The following ZNF627 variants were observed in gnomAD, a reference collection of about 807,000 sequenced individuals.
ZNF627 encodes the protein zinc finger protein 627.
In ZNF627, 12 loss-of-function variants were observed where a neutral mutation model predicts 10.6. That is an observed-to-expected ratio of 1.13 (90% CI 0.73 to 1.84). The LOEUF (loss-of-function observed/expected upper bound fraction) is 1.84, where lower values mean the gene tolerates loss of function less well. Among genes scored for constraint, ZNF627 ranks in the 40% most tolerant of loss-of-function variants. The probability of loss-of-function intolerance (pLI) is 0.00; values close to 1 mark genes in which losing one functional copy is unlikely to be tolerated. For synonymous variants in ZNF627, 176 were observed against 187.1 expected, an observed-to-expected ratio of 0.94 and a Z score of 0.48; for missense variants, 504 against 568.4, an observed-to-expected ratio of 0.89 and a Z score of 1.15.
intron 1 of ZNF627, among the ~76,000 whole-genome samples, chr19:11,613,026 A>C (rs559744860): frequency 7.6e-4 from 104 of 137,418 alleles, no homozygotes; most frequent in African/African-American, 2.7e-3. Flanking sequence ...ATCTGGGCAC[A>C]CTCGCCAAAA....
At chr19:11,604,412 C>T (rs1342508356) in intron 1 of ZNF627, 3 of 152,204 alleles carry the variant, frequency 2.0e-5, no homozygotes, top group African/African-American at 7.2e-5. Flanking sequence ...CTGGACCTCT[C>T]TCTGGGCAGT....
At chr19:11,611,823 AC>A (rs1973775825) in intron 1 of ZNF627, among the ~76,000 whole-genome samples, 1 of 152,126 alleles carries the variant, frequency 6.6e-6, no homozygotes, top group Non-Finnish European at 1.5e-5. Context: ...GCTGAGATTG[AC>A]TGGGCCCTTT....
chr19:11,613,794 T>C (rs1973819451), intron 1 of ZNF627, among the ~76,000 whole-genome samples: 1 of 152,152 alleles, frequency 6.6e-6, no homozygotes, highest in Non-Finnish European at 1.5e-5. Context: ...GTTGGTGGGA[T>C]CCTGTCTAAA....
chr19:11,616,297 T>C (rs1227155153), intron 3 of ZNF627, among the ~76,000 whole-genome samples: 2 of 152,150 alleles, frequency 1.3e-5, no homozygotes, highest in Non-Finnish European at 2.9e-5. Context: ...CCTCCTGTCT[T>C]GGCCTTCCAA....
chr19:11,597,583 C>T lies in ZNF627; in HGVS notation c.-45C>T, dbSNP rs748075743. ...CTGTCGCGCCGTGACCTGTACAGGT[C>T]GCGGGAGTCGTAGGGAGGACGCCGG... is the stretch of plus-strand genomic sequence containing the variant. On this transcript the variant is annotated 5_prime_UTR_variant, in exon 1 of 4. Coordinates refer to ENST00000361113, the MANE Select transcript of ZNF627 (RefSeq NM_145295.4). The T allele has an allele frequency of 7.6e-7, 1 of 1,322,350 alleles. No homozygotes were observed. Among genetic ancestry groups the T allele is most frequent in the East Asian group, 2.8e-5 (1 of 35,832 alleles). 81.9% of individuals were successfully genotyped at this position (1,322,350 alleles called of 1,614,324 possible).
intron 1 of ZNF627, among the ~76,000 whole-genome samples, chr19:11,610,047 A>ATTTTT (rs71166614): frequency 8.7e-6 from 1 of 114,828 alleles, no homozygotes; most frequent in Non-Finnish European, 1.8e-5. Flanking sequence ...TGGGATTTGA[A>ATTTTT]TTTTTTTTTT....
At chr19:11,613,728 C>T (rs1973818148) in intron 1 of ZNF627, among the ~76,000 whole-genome samples, 2 of 152,124 alleles carry the variant, frequency 1.3e-5, no homozygotes, top group South Asian at 4.2e-4. Flanking sequence ...CTGCTTCCCA[C>T]AGAGATTTTG....
At chr19:11,613,916 A>ATTTTT (rs35877992) in intron 1 of ZNF627, among the ~76,000 whole-genome samples, 1 of 92,500 alleles carries the variant, frequency 1.1e-5, no homozygotes, top group Non-Finnish European at 2.0e-5. Flanking sequence ...TAGTTACTAG[A>ATTTTT]TTTTTTTTTT....
chr19:11,599,775 C>G (rs528361038), intron 1 of ZNF627, among the ~76,000 whole-genome samples: 10 of 152,108 alleles, frequency 6.6e-5, no homozygotes, highest in South Asian at 2.1e-4. Flanking sequence ...GGTGTGGTGG[C>G]AGGTGCCTCT....
intron 2 of ZNF627, 43 bp from the exon 3 acceptor site, chr19:11,614,784 T>G: frequency 6.3e-7 from 1 of 1,589,548 alleles, no homozygotes; most frequent in African/African-American, 1.4e-5. Context: ...TTTTTCATAA[T>G]TTTATACTAA....
At position 11,599,804 on chromosome 19, in the gene ZNF627, G is replaced by A. The variant is rs566077536; in HGVS notation, c.3+2174G>A. Among the ~76,000 whole-genome samples the A allele has an allele frequency of 9.6e-4, 146 of 152,148 alleles. 2 individuals carry two copies. Among genetic ancestry groups the A allele is most frequent in the South Asian group, 4.2e-3 (20 of 4,816 alleles). On this transcript the variant is annotated intron_variant, in intron 1 of 3. Coordinates refer to ENST00000361113, the MANE Select transcript of ZNF627 (RefSeq NM_145295.4). The stretch of plus-strand genomic sequence containing the variant: ...TGCCTCTAATCTCAGCTACTGGGGA[G>A]GCTGAGGCATGAGAATCGCTTTAAC...
chr19:11,597,623 G>C lies in ZNF627; in HGVS notation c.-5G>C. ...GAGGACGCCGGGACACCTGGAAGCC[G>C]AGAAATGGTGCGTGTGAGGGGTCAG... is the stretch of plus-strand genomic sequence containing the variant. On this transcript the variant is annotated 5_prime_UTR_variant, in exon 1 of 4. Transcript: ENST00000361113. The C allele has an allele frequency of 1.5e-6, 2 of 1,334,132 alleles. No homozygotes were observed. Among genetic ancestry groups the C allele is most frequent in the Middle Eastern group, 2.0e-4 (1 of 4,974 alleles). The allele number at this position is 1,334,132 out of a possible 1,614,324, so 82.6% of individuals were successfully genotyped here.
At chr19:11,599,214 C>A (rs958407577) in intron 1 of ZNF627, among the ~76,000 whole-genome samples, 1 of 152,088 alleles carries the variant, frequency 6.6e-6, no homozygotes, top group African/African-American at 2.4e-5. Flanking sequence ...GCCTGAAGTA[C>A]GGGGTGGGGC....
intron 1 of ZNF627, among the ~76,000 whole-genome samples, chr19:11,598,828 G>GA (rs1447274331): frequency 6.6e-6 from 1 of 152,128 alleles, no homozygotes; most frequent in Non-Finnish European, 1.5e-5. Flanking sequence ...ACCCTGCTGT[G>GA]AAAAAACCTT....
At position 11,609,471 on chromosome 19, in the gene ZNF627, TTATATATATATATATATA is replaced by T. The variant is rs1168205815; in HGVS notation, c.4-5026_4-5009del. On this transcript the variant is annotated intron_variant, in intron 1 of 3. Coordinates refer to ENST00000361113, the MANE Select transcript of ZNF627 (RefSeq NM_145295.4). Reference sequence around the variant, plus strand: ...TTCCTGGGTAGTCTTTTAAAAAATTTTATATATATATATATATATATATATATATATATATATATATAT... The same window carrying T: ...TTCCTGGGTAGTCTTTTAAAAAATTTTATATATATATATATATATATATAT... Among the ~76,000 whole-genome samples, 450 of 53,998 alleles carry T rather than the reference TTATATATATATATATATA, an allele frequency of 8.3e-3. 8 individuals carry two copies. The highest frequency in any genetic ancestry group is 0.035 in the Middle Eastern group (3 of 86). 35.4% of individuals were successfully genotyped at this position (53,998 alleles called of 152,430 possible).
intron 1 of ZNF627, among the ~76,000 whole-genome samples, chr19:11,601,496 T>C: frequency 6.6e-6 from 1 of 152,060 alleles, no homozygotes; most frequent in East Asian, 1.9e-4. Context: ...TGTGCCATGA[T>C]GCCTGGCTTA....
intron 1 of ZNF627, among the ~76,000 whole-genome samples, chr19:11,601,362 C>A (rs1568439179): frequency 6.6e-6 from 1 of 151,762 alleles, no homozygotes; most frequent in Non-Finnish European, 1.5e-5. Context: ...TTGTGTGTGA[C>A]AGGGTCTCAC....
At chr19:11,607,945 T>A (rs1973702747) in intron 1 of ZNF627, among the ~76,000 whole-genome samples, 1 of 152,204 alleles carries the variant, frequency 6.6e-6, no homozygotes, top group Non-Finnish European at 1.5e-5. Flanking sequence ...AGTACCAATT[T>A]ACTATATTAG....
intron 1 of ZNF627, among the ~76,000 whole-genome samples, chr19:11,609,102 C>T (rs1048877708): frequency 6.6e-6 from 1 of 152,096 alleles, no homozygotes; most frequent in African/African-American, 2.4e-5. Context: ...AACTCTTGAG[C>T]TCAAGCTGTG....
Sources: allele counts gnomAD v4.1 joint callset (sites outside exome capture counted in the v4.1 genomes callset), GRCh38; gene constraint gnomAD v4.1.1; transcripts MANE v1.5; gene names NCBI Gene and HGNC (gene_info 2026-07-23, HGNC 2026-07-21).